The following MECOM variants were observed in gnomAD, a reference collection of about 807,000 sequenced individuals.
MECOM encodes the protein histone-lysine N-methyltransferase MECOM.
A neutral mutation model predicts 116.3 loss-of-function variants in MECOM; 13 were observed. That is an observed-to-expected ratio of 0.11 (90% CI 0.07 to 0.18). The LOEUF (loss-of-function observed/expected upper bound fraction) is 0.18, where lower values mean the gene tolerates loss of function less well. Among genes scored for constraint, MECOM ranks in the 10% least tolerant of loss-of-function variants. The pLI is 1.00. For synonymous variants in MECOM, 528 were observed against 535.2 expected, an observed-to-expected ratio of 0.99 and a Z score of 0.19; for missense variants, 1,299 against 1,509.0, an observed-to-expected ratio of 0.86 and a Z score of 2.31.
intron 1 of MECOM, among the ~76,000 whole-genome samples, chr3:169,496,631 G>A (rs1381915618): frequency 6.6e-6 from 1 of 152,190 alleles, no homozygotes; most frequent in African/African-American, 2.4e-5. Context: ...AGATAACCCT[G>A]CAATGACTTC....
chr3:169,265,362 C>T (rs144749626), intron 2 of MECOM, among the ~76,000 whole-genome samples: 2 of 152,284 alleles, frequency 1.3e-5, no homozygotes, highest in East Asian at 3.9e-4. Context: ...CAAAGAAACT[C>T]CATTACTTGA....
At chr3:169,393,293 C>T (rs966425515) in intron 1 of MECOM, among the ~76,000 whole-genome samples, 20 of 152,230 alleles carry the variant, frequency 1.3e-4, no homozygotes, top group African/African-American at 4.6e-4. Context: ...TGGCATGGCA[C>T]CAATCTGGAG....
chr3:169,383,189 C>T (rs766648721), intron 1 of MECOM, among the ~76,000 whole-genome samples: 2 of 152,090 alleles, frequency 1.3e-5, no homozygotes, highest in Non-Finnish European at 2.9e-5. Flanking sequence ...AAAGTGATAG[C>T]ACATGCAAAA....
intron 2 of MECOM, among the ~76,000 whole-genome samples, chr3:169,313,663 C>T (rs1719209712): frequency 6.6e-6 from 1 of 152,112 alleles, no homozygotes; most frequent in South Asian, 2.1e-4. Flanking sequence ...AGTCTAGCTC[C>T]TCAGTGAAAT....
At chr3:169,660,000 G>A (rs1034105940) in intron 1 of MECOM, among the ~76,000 whole-genome samples, 1 of 152,178 alleles carries the variant, frequency 6.6e-6, no homozygotes, top group Non-Finnish European at 1.5e-5. Context: ...GTTACTGGAT[G>A]CAACTCGTTC....
intron 1 of MECOM, among the ~76,000 whole-genome samples, chr3:169,554,346 A>G (rs926895037): frequency 6.6e-6 from 1 of 152,218 alleles, no homozygotes; most frequent in Non-Finnish European, 1.5e-5. Context: ...GTTCGCCTAC[A>G]TTAAACAACA....
intron 2 of MECOM, among the ~76,000 whole-genome samples, chr3:169,255,142 TTTTGTAA>T (rs1403362804): frequency 2.6e-5 from 4 of 152,200 alleles, no homozygotes; most frequent in Admixed American, 2.6e-4. Context: ...TTGCATAGAC[TTTTGTAA>T]TTGACAGAAG....
At chr3:169,299,368 C>T (rs7642142) in intron 2 of MECOM, among the ~76,000 whole-genome samples, 9,231 of 152,228 alleles carry the variant, frequency 0.061, 687 homozygotes, top group African/African-American at 0.17. Flanking sequence ...TTCCTTCCCG[C>T]CCAGGCTGTG....
intron 2 of MECOM, among the ~76,000 whole-genome samples, chr3:169,226,964 T>G (rs935744150): frequency 7.2e-5 from 11 of 152,228 alleles, no homozygotes; most frequent in African/African-American, 2.7e-4. Flanking sequence ...CCTTGCCCTA[T>G]GTTTAAGAGG....
chr3:169,663,255 T>C, intron 1 of MECOM, 81 bp downstream of exon 1: 1 of 1,515,762 alleles, frequency 6.6e-7, no homozygotes, highest in Non-Finnish European at 9.0e-7. Context: ...CAGCCCGCGC[T>C]CCCTCCCGGA....
chr3:169,629,647 A>G (rs1460944952), intron 1 of MECOM, among the ~76,000 whole-genome samples: 1 of 152,200 alleles, frequency 6.6e-6, no homozygotes, highest in African/African-American at 2.4e-5. Flanking sequence ...GCATGTAGGT[A>G]ATGCCTTTGT....
At chr3:169,145,998 T>C (rs565591782) in intron 2 of MECOM, 113 of 222,424 alleles carry the variant, frequency 5.1e-4, no homozygotes, top group Non-Finnish European at 8.9e-4. Flanking sequence ...TATTCACTTT[T>C]GATTTGCTAG....
At chr3:169,378,622 A>G (rs1011273631) in intron 2 of MECOM, among the ~76,000 whole-genome samples, 1 of 151,948 alleles carries the variant, frequency 6.6e-6, no homozygotes, top group African/African-American at 2.4e-5. Context: ...TACAATATGG[A>G]AACCATCAAT....
chr3:169,654,580 T>C (rs1775299943), intron 1 of MECOM, among the ~76,000 whole-genome samples: 1 of 152,082 alleles, frequency 6.6e-6, no homozygotes, highest in Non-Finnish European at 1.5e-5. Context: ...CTCCTAATGA[T>C]TTACTGCCCA....
At chr3:169,594,885 AAAAAAAC>A (rs1766950876) in intron 1 of MECOM, among the ~76,000 whole-genome samples, 1 of 151,072 alleles carries the variant, frequency 6.6e-6, no homozygotes, top group South Asian at 2.1e-4. Flanking sequence ...ACTGAAAAAA[AAAAAAAC>A]AAAAAAAAAA....
intron 2 of MECOM, among the ~76,000 whole-genome samples, chr3:169,191,791 A>AAAGAAAGAAAGAAAGAAAGG (rs1747726745): frequency 1.4e-5 from 2 of 144,062 alleles, no homozygotes; most frequent in Non-Finnish European, 3.0e-5. Flanking sequence ...AGAAAGAAAG[A>AAAGAAAGAAAGAAAGAAAGG]AAGGGAGGGA....
Position 169,375,872 on chromosome 3 carries a change from A to T in MECOM, c.375+5315T>A, listed in dbSNP as rs567869198. On this transcript the variant is annotated intron_variant, in intron 2 of 16. Coordinates refer to ENST00000651503, the MANE Select transcript of MECOM (RefSeq NM_004991.4). The stretch of plus-strand genomic sequence containing the variant: ...GATACCAAAACCTGGCAGAGACACA[A>T]CAAAAAAAGAAAATTTCAGGCCAAT... Among the ~76,000 whole-genome samples the T allele has an allele frequency of 8.4e-5, 10 of 119,388 alleles. No individual in the cohort carries two copies. In the East Asian group the frequency reaches 1.8e-3, roughly 21 times the overall value. The allele number at this position is 119,388 out of a possible 152,430, so 78.3% of individuals were successfully genotyped here.
At chr3:169,613,529 T>A (rs1446381561) in intron 1 of MECOM, 1 of 152,192 alleles carries the variant, frequency 6.6e-6, no homozygotes, top group African/African-American at 2.4e-5. Flanking sequence ...TGGGTCTGTA[T>A]CTCTGGCTTT....
At chr3:169,256,675 C>A (rs1353622140) in intron 2 of MECOM, among the ~76,000 whole-genome samples, 2 of 152,152 alleles carry the variant, frequency 1.3e-5, no homozygotes, top group Admixed American at 1.3e-4. Flanking sequence ...TTACTATCAA[C>A]GTGTTTTAAG....
Sources: gnomAD v4.1 joint callset for allele counts (sites outside exome capture counted in the v4.1 genomes callset) on GRCh38, gnomAD v4.1.1 for gene constraint, MANE v1.5 for transcripts, NCBI Gene and HGNC (gene_info 2026-07-23, HGNC 2026-07-21) for gene names.